RAB3C: variants seen among roughly 807,000 people sequenced by gnomAD.
The protein encoded by RAB3C is ras-related protein Rab-3C.
RAB3C carries 17 observed loss-of-function variants against 26.4 expected under a neutral mutation model. The ratio of observed to expected loss-of-function variants is 0.64; its 90% CI spans 0.44 to 0.97. The LOEUF (loss-of-function observed/expected upper bound fraction) is 0.97, where lower values mean the gene tolerates loss of function less well. RAB3C is among the 50% of genes least tolerant of loss of function. RAB3C has a pLI of 0.00. For synonymous variants in RAB3C, 91 were observed against 95.9 expected (o/e 0.95, Z 0.30); for missense variants, 242 against 281.9 (o/e 0.86, Z 1.01).
intron 3 of RAB3C, among the ~76,000 whole-genome samples, chr5:58,728,113 A>G (rs893319872): frequency 2.2e-4 from 33 of 152,046 alleles, no homozygotes; most frequent in African/African-American, 7.7e-4. Context: ...AGCCTGTTCT[A>G]GAAACAAACC....
At chr5:58,833,324 T>TCTCACA (rs1554021454) in intron 4 of RAB3C, among the ~76,000 whole-genome samples, 1 of 141,154 alleles carries the variant, frequency 7.1e-6, no homozygotes, top group African/African-American at 2.6e-5. Context: ...ACGGACCCCA[T>TCTCACA]CACACACACA....
chr5:58,625,580 C>T (rs190911627), intron 2 of RAB3C, among the ~76,000 whole-genome samples: 4 of 152,218 alleles, frequency 2.6e-5, no homozygotes, highest in East Asian at 1.9e-4. Flanking sequence ...AAATACCGGC[C>T]GGGCACTGTG....
chr5:58,613,149 G>T (rs113607220), intron 1 of RAB3C, among the ~76,000 whole-genome samples: 3 of 152,134 alleles, frequency 2.0e-5, no homozygotes, highest in African/African-American at 7.2e-5. Context: ...TTGGTTCCTG[G>T]TCAATAGAAC....
At chr5:58,734,830 G>A (rs1342730832) in intron 3 of RAB3C, among the ~76,000 whole-genome samples, 1 of 152,140 alleles carries the variant, frequency 6.6e-6, no homozygotes. Flanking sequence ...ATCCATGGCA[G>A]TTATGCCCTA....
intron 4 of RAB3C, among the ~76,000 whole-genome samples, chr5:58,825,729 A>T (rs929572318): frequency 3.9e-5 from 6 of 152,186 alleles, no homozygotes; most frequent in African/African-American, 1.4e-4. Flanking sequence ...AGATATGAGA[A>T]AGTTTCAGAA....
chr5:58,662,147 G>A (rs1747917113), intron 2 of RAB3C, among the ~76,000 whole-genome samples: 1 of 149,738 alleles, frequency 6.7e-6, no homozygotes, highest in South Asian at 2.1e-4. Context: ...CTCTATTTCT[G>A]GATAGTGGGG....
intron 1 of RAB3C, among the ~76,000 whole-genome samples, chr5:58,595,516 C>G (rs1746228724): frequency 6.6e-6 from 1 of 152,118 alleles, no homozygotes; most frequent in Non-Finnish European, 1.5e-5. Flanking sequence ...TAGTATATCC[C>G]TGAGGCCTTG....
chr5:58,741,864 G>A (rs1415168380), intron 3 of RAB3C: 1 of 152,074 alleles, frequency 6.6e-6, no homozygotes, highest in Non-Finnish European at 1.5e-5. Context: ...AATTAGCATG[G>A]TGTGGTAGCA....
At chr5:58,779,235 T>G (rs1165214242) in intron 3 of RAB3C, among the ~76,000 whole-genome samples, 1 of 151,922 alleles carries the variant, frequency 6.6e-6, no homozygotes, top group Non-Finnish European at 1.5e-5. Context: ...CTGACTGTCT[T>G]AACTGTCAGC....
At chr5:58,749,641 G>C (rs759881696) in intron 3 of RAB3C, among the ~76,000 whole-genome samples, 3 of 152,090 alleles carry the variant, frequency 2.0e-5, no homozygotes, top group African/African-American at 7.2e-5. Context: ...TTAAATATTT[G>C]TACAAAGAAG....
chr5:58,657,445 G>A (rs1747806309), intron 2 of RAB3C, among the ~76,000 whole-genome samples: 1 of 151,900 alleles, frequency 6.6e-6, no homozygotes, highest in Non-Finnish European at 1.5e-5. Flanking sequence ...TGACATTTGA[G>A]AGAGATCTGA....
intron 4 of RAB3C, among the ~76,000 whole-genome samples, chr5:58,846,512 G>A (rs796284102): frequency 1.3e-4 from 20 of 152,206 alleles, no homozygotes; most frequent in African/African-American, 4.6e-4. Context: ...CCGAGTAGCT[G>A]GGATTACAGG....
chr5:58,784,887 G>A (rs963355040), intron 3 of RAB3C: 1 of 152,224 alleles, frequency 6.6e-6, no homozygotes, highest in African/African-American at 2.4e-5. Flanking sequence ...CACAGTCAAA[G>A]CATTGTCTCC....
At chr5:58,593,171 T>C (rs577223165) in intron 1 of RAB3C, among the ~76,000 whole-genome samples, 6 of 152,300 alleles carry the variant, frequency 3.9e-5, no homozygotes, top group South Asian at 2.1e-4. Flanking sequence ...CTTTTTCTTG[T>C]GTCATCTTCA....
chr5:58,713,262 G>C (rs1044576250), intron 2 of RAB3C, among the ~76,000 whole-genome samples: 1 of 152,124 alleles, frequency 6.6e-6, no homozygotes, highest in East Asian at 1.9e-4. Flanking sequence ...GCTACTAGTT[G>C]TAGTCCTCCA....
rs550377457 is a variant in RAB3C, at chr5:58,676,562, G to T, written c.253-49440G>T. 1.5e-4 allele frequency among the ~76,000 whole-genome samples: 23 copies of T among 152,144 alleles called. No individual in the cohort carries two copies. The East Asian group carries it at 4.5e-3, about 29-fold the overall frequency. On this transcript the variant is annotated intron_variant, in intron 2 of 4. Transcript: ENST00000282878. ...CCAAATTCTCAACACATGCTAGACT[G>T]GACTGGCAAGGGTTGAGAATTCAGA... is the stretch of plus-strand genomic sequence containing the variant.
chr5:58,766,577 G>A (rs1741911670), intron 3 of RAB3C, among the ~76,000 whole-genome samples: 1 of 152,202 alleles, frequency 6.6e-6, no homozygotes, highest in African/African-American at 2.4e-5. Context: ...TTTCAAGTCA[G>A]CAAATGGCCA....
intron 2 of RAB3C, among the ~76,000 whole-genome samples, chr5:58,627,196 G>A (rs1747070480): frequency 6.6e-6 from 1 of 152,062 alleles, no homozygotes; most frequent in African/African-American, 2.4e-5. Context: ...TTCACCTATT[G>A]GGATATGATT....
At chr5:58,624,171 G>A (rs1747005508) in intron 2 of RAB3C, among the ~76,000 whole-genome samples, 1 of 152,134 alleles carries the variant, frequency 6.6e-6, no homozygotes, top group Admixed American at 6.5e-5. Flanking sequence ...ACATATAATG[G>A]TAGAGCACGC....
Sources: allele counts gnomAD v4.1 joint callset (sites outside exome capture counted in the v4.1 genomes callset), GRCh38; gene constraint gnomAD v4.1.1; transcripts MANE v1.5; gene names NCBI Gene and HGNC (gene_info 2026-07-23, HGNC 2026-07-21).